The following ATP2A2 variants were observed in gnomAD, a reference collection of about 807,000 sequenced individuals.
ATP2A2 encodes ATPase sarcoplasmic/endoplasmic reticulum Ca2+ transporting 2.
In ATP2A2, 14 loss-of-function variants were observed where a neutral mutation model predicts 109.3. The observed-to-expected ratio is 0.13, with a 90% CI of 0.08 to 0.20. The LOEUF is 0.20. ATP2A2 is among the 10% of genes least tolerant of loss of function. The pLI, the probability that ATP2A2 is intolerant of heterozygous loss-of-function variation, is 1.00. For missense variants in ATP2A2, 657 were observed against 1,321.6 expected (o/e 0.50, Z 7.80); for synonymous variants, 506 against 490.9 (o/e 1.03, Z -0.41).
rs755208415 is a variant in ATP2A2 at position 110,345,280 on chromosome 12, C to T, written c.2639C>T (p.Pro880Leu). 3.7e-5 allele frequency: 59 copies of T among 1,614,040 alleles called. No individual in the cohort carries two copies. The highest frequency in any genetic ancestry group is 1.6e-4 in the East Asian group (7 of 44,892). Reference sequence around the variant, plus strand: ...TTCCTACAGTGTAAAGAGGACAACCCGGACTTTGAAGGCGTGGATTGTGCA... The same window carrying T: ...TTCCTACAGTGTAAAGAGGACAACCTGGACTTTGAAGGCGTGGATTGTGCA... ...SHFLQCKEDNPDFEGVDCAIF... is the reference protein window; with the variant it reads ...SHFLQCKEDNLDFEGVDCAIF... The change falls in exon 18 of 20, where the codon CCG becomes CTG. Residue 880 changes from proline (P) to leucine (L), a missense_variant. Pro to Leu is a moderately conservative substitution (Grantham distance 98, BLOSUM62 -3). Transcript: ENST00000539276.
chr12:110,347,927 C>T lies in ATP2A2; in HGVS notation c.*1457C>T, dbSNP rs1404581086. ...GTGCTCCCTGATGCCCTGTGAGCAC[C>T]GGGGTTGCCTGTGGCGCCTGCCATG... On this transcript the variant is annotated 3_prime_UTR_variant, in exon 20 of 20. Transcript: ENST00000539276. 28 of 987,496 alleles carry T rather than the reference C, an allele frequency of 2.8e-5. No homozygotes were observed. The highest frequency in any genetic ancestry group is 1.1e-4 in the East Asian group (1 of 8,900). The allele number at this position is 987,496 out of a possible 1,614,324, so 61.2% of individuals were successfully genotyped here. A position where few individuals can be genotyped will look rare whatever the true frequency, so the allele number is the denominator to read the frequency against.
chr12:110,303,320 C>T (rs1252486888), intron 5 of ATP2A2, among the ~76,000 whole-genome samples: 2 of 152,026 alleles, frequency 1.3e-5, no homozygotes, highest in Admixed American at 6.6e-5. Context: ...GTGTACCTCC[C>T]AGTTTCAAGT....
At chr12:110,293,185 C>T (rs1592797690) in intron 4 of ATP2A2, among the ~76,000 whole-genome samples, 1 of 152,046 alleles carries the variant, frequency 6.6e-6, no homozygotes, top group African/African-American at 2.4e-5. Flanking sequence ...TCAAGCAGTT[C>T]TGCCTCAGCC....
At chr12:110,305,714 G>T (rs1046693589) in intron 5 of ATP2A2, among the ~76,000 whole-genome samples, 1 of 152,090 alleles carries the variant, frequency 6.6e-6, no homozygotes, top group African/African-American at 2.4e-5. Flanking sequence ...GGCATTCTGG[G>T]TTCCTTACAT....
rs146908634 is a variant in ATP2A2, at chr12:110,301,289, C to T, written c.463+4552C>T. On this transcript the variant is annotated intron_variant, in intron 5 of 19. Transcript: ENST00000539276. ...TAGACAGCTTCAGAGGAAACTACAA[C>T]TGTGATACCTCAAAGCACCATCCTT... 3.9e-5 allele frequency among the ~76,000 whole-genome samples: 6 copies of T among 152,324 alleles called. No individual in the cohort carries two copies. The East Asian group carries it at 1.2e-3, about 29-fold the overall frequency.
chr12:110,324,845 T>A (rs1451468960), intron 6 of ATP2A2, among the ~76,000 whole-genome samples: 2 of 150,750 alleles, frequency 1.3e-5, no homozygotes, highest in Non-Finnish European at 3.0e-5. Context: ...TTTTTTTTTT[T>A]AAAGACAGAG....
chr12:110,313,903 G>A (rs1245740842), intron 5 of ATP2A2, among the ~76,000 whole-genome samples: 1 of 150,186 alleles, frequency 6.7e-6, no homozygotes, highest in African/African-American at 2.4e-5. Flanking sequence ...TAGTAGAGAC[G>A]GGGTTTCACC....
chr12:110,283,505 C>A (rs938595867), intron 3 of ATP2A2, among the ~76,000 whole-genome samples: 1 of 152,142 alleles, frequency 6.6e-6, no homozygotes, highest in Non-Finnish European at 1.5e-5. Flanking sequence ...AGAACTACAG[C>A]AGAAAAAGGG....
chr12:110,291,793 C>T (rs1873340631), intron 3 of ATP2A2, among the ~76,000 whole-genome samples: 1 of 151,700 alleles, frequency 6.6e-6, no homozygotes, highest in Admixed American at 6.6e-5. Context: ...ATTACAGGCA[C>T]CTACCACCAT....
chr12:110,326,239 C>T, intron 6 of ATP2A2, 151 bp from the exon 7 acceptor site: 1 of 706,832 alleles, frequency 1.4e-6, no homozygotes, highest in East Asian at 2.7e-5. Flanking sequence ...GTTTTCCCAG[C>T]TTACCTCCTT....
chr12:110,317,286 A>T (rs1365408950), intron 5 of ATP2A2, among the ~76,000 whole-genome samples: 1 of 152,238 alleles, frequency 6.6e-6, no homozygotes, highest in African/African-American at 2.4e-5. Flanking sequence ...TTCTGGTCTT[A>T]AATAGTGTTT....
intron 1 of ATP2A2, 119 bp downstream of exon 1, chr12:110,282,026 G>A: frequency 1.3e-6 from 1 of 758,144 alleles, no homozygotes; most frequent in Non-Finnish European, 1.9e-6. Flanking sequence ...TGCGGGCGGA[G>A]GGTCGGGCCA....
Position 110,345,811 on chromosome 12 carries a change from C to T in ATP2A2, c.2742-190C>T, listed in dbSNP as rs147192647. 8 of 678,782 alleles carry T rather than the reference C, an allele frequency of 1.2e-5. No individual in the cohort carries two copies. In the African/African-American group the frequency reaches 1.2e-4, roughly 10 times the overall value. The allele number at this position is 678,782 out of a possible 1,614,324, so 42.0% of individuals were successfully genotyped here. On this transcript the variant is annotated intron_variant, in intron 18 of 19. Transcript: ENST00000539276. Reference sequence around the variant, plus strand: ...GGTCTGCTATGCCAAAACATAGATACAGAATTCACAGTTTGTCCTGCATTA... The same window carrying T: ...GGTCTGCTATGCCAAAACATAGATATAGAATTCACAGTTTGTCCTGCATTA...
chr12:110,328,617 G>T (rs1422284384), intron 8 of ATP2A2, among the ~76,000 whole-genome samples: 1 of 152,186 alleles, frequency 6.6e-6, no homozygotes, highest in Non-Finnish European at 1.5e-5. Context: ...GCCCAGGCTA[G>T]TGTGCAGTGA....
Position 110,347,048 on chromosome 12 carries a change from TA to T in ATP2A2, c.*579del. On this transcript the variant is annotated 3_prime_UTR_variant, in exon 20 of 20. Coordinates refer to ENST00000539276, the MANE Select transcript of ATP2A2 (RefSeq NM_170665.4). ...CACCCCACCCCACCTCTCCCCACCTTACCCCCGCCCCGCTTGGCTTCTTCTT... is the reference window on the plus strand; with the variant it reads ...CACCCCACCCCACCTCTCCCCACCTTCCCCCGCCCCGCTTGGCTTCTTCTT... 1 of 942,966 alleles carries T rather than the reference TA, an allele frequency of 1.1e-6. No individual in the cohort carries two copies. The highest frequency in any genetic ancestry group is 1.3e-6 in the Non-Finnish European group (1 of 768,250). 58.4% of individuals were successfully genotyped at this position (942,966 alleles called of 1,614,324 possible). A position where few individuals can be genotyped will look rare whatever the true frequency, so the allele number is the denominator to read the frequency against.
intron 3 of ATP2A2, among the ~76,000 whole-genome samples, chr12:110,287,532 G>C (rs1872785307): frequency 6.6e-6 from 1 of 152,202 alleles, no homozygotes; most frequent in African/African-American, 2.4e-5. Context: ...AAGGGAAGAA[G>C]AAACACTGTT....
At chr12:110,290,316 T>A (rs1162938367) in intron 3 of ATP2A2, among the ~76,000 whole-genome samples, 1 of 152,220 alleles carries the variant, frequency 6.6e-6, no homozygotes, top group Non-Finnish European at 1.5e-5. Flanking sequence ...ATTATAGGCA[T>A]GAGCCACTGT....
chr12:110,297,451 A>C (rs1164141139), intron 5 of ATP2A2, among the ~76,000 whole-genome samples: 1 of 151,548 alleles, frequency 6.6e-6, no homozygotes, highest in African/African-American at 2.4e-5. Context: ...AAAAAAAAAA[A>C]ACAGTATGCT....
chr12:110,300,788 G>T (rs1183696260), intron 5 of ATP2A2, among the ~76,000 whole-genome samples: 1 of 151,680 alleles, frequency 6.6e-6, no homozygotes, highest in Non-Finnish European at 1.5e-5. Flanking sequence ...ACTGTACCTG[G>T]CTCAAAGCAA....
Sources: allele counts gnomAD v4.1 joint callset (sites outside exome capture counted in the v4.1 genomes callset), GRCh38; gene constraint gnomAD v4.1.1; transcripts MANE v1.5; gene names NCBI Gene and HGNC (gene_info 2026-07-23, HGNC 2026-07-21).